The following SEMA4B variants were observed in gnomAD, a reference collection of about 807,000 sequenced individuals.
SEMA4B encodes semaphorin-4B.
In SEMA4B, 55 loss-of-function variants were observed where a neutral mutation model predicts 88.1. That is an observed-to-expected ratio of 0.62 (90% CI 0.50 to 0.78). SEMA4B has a LOEUF of 0.78. Among genes scored for constraint, SEMA4B ranks in the 30% least tolerant of loss-of-function variants. The probability of loss-of-function intolerance (pLI) is 0.00; values close to 1 mark genes in which losing one functional copy is unlikely to be tolerated. For synonymous variants in SEMA4B, 525 were observed against 473.6 expected (o/e 1.11, Z -1.41); for missense variants, 1,062 against 1,111.9 (o/e 0.96, Z 0.64).
Position 90,228,199 on chromosome 15 carries a change from C to T in SEMA4B, c.2070C>T (p.Pro690=), listed in dbSNP as rs373633209. ...AAACAGATGAGGGTGGCAGTGTACC[C>T]GTCATTATCAGCACATCGCGTGTGA... is the stretch of plus-strand genomic sequence containing the variant. ...ADQTDEGGSV[P]VIISTSRVSA... Residue 690 remains proline (P), a synonymous_variant, in exon 14 of 14, where the codon CCC becomes CCT. Transcript: ENST00000411539. 35 of 1,610,136 alleles carry T rather than the reference C, an allele frequency of 2.2e-5. No individual in the cohort carries two copies. Among genetic ancestry groups the T allele is most frequent in the Admixed American group, 1.3e-4 (8 of 59,378 alleles).
At chr15:90,221,324 C>A in intron 5 of SEMA4B, 43 bp from the exon 6 acceptor site, 2 of 1,472,258 alleles carry the variant, frequency 1.4e-6, no homozygotes, top group Non-Finnish European at 1.9e-6. Flanking sequence ...GGAGAAGGGG[C>A]CGTGCTGAGG....
chr15:90,225,925 G>C (rs376825518), intron 12 of SEMA4B, 98 bp downstream of exon 12: 2 of 934,882 alleles, frequency 2.1e-6, no homozygotes, highest in East Asian at 6.1e-5. Context: ...ACACAGCCTC[G>C]TTTATGTCCA....
At chr15:90,197,210 A>C (rs1960537432), upstream of SEMA4B, among the ~76,000 whole-genome samples, 1 of 151,770 alleles carries the variant, frequency 6.6e-6, no homozygotes, top group African/African-American at 2.4e-5. Flanking sequence ...AACGTGGTGA[A>C]ACCCCTTTCT....
At chr15:90,204,641 C>A (rs1960904207) in intron 1 of SEMA4B, among the ~76,000 whole-genome samples, 1 of 152,198 alleles carries the variant, frequency 6.6e-6, no homozygotes, top group Admixed American at 6.5e-5. Flanking sequence ...CGGTCAGGAG[C>A]AGGAGTGGTG....
At position 90,215,006 on chromosome 15, in the gene SEMA4B, C is replaced by T. The variant is rs979380409; in HGVS notation, c.158-2433C>T. 6.3e-6 allele frequency: 8 copies of T among 1,260,702 alleles called. No individual in the cohort carries two copies. In the Admixed American group the frequency reaches 1.0e-4, roughly 16 times the overall value. The allele number at this position is 1,260,702 out of a possible 1,614,324, so 78.1% of individuals were successfully genotyped here. On this transcript the variant is annotated intron_variant, in intron 1 of 13. Coordinates refer to ENST00000411539, the MANE Select transcript of SEMA4B (RefSeq NM_198925.4). ...TCATCTTCACAGCTGCTTGATTGGG[C>T]GTGTTGCACTTTTTGCTTCCTCAGC...
At position 90,227,554 on chromosome 15, in the gene SEMA4B, C is replaced by T. The variant is rs1276143290; in HGVS notation, c.1689-3C>T. On this transcript the variant is annotated splice_polypyrimidine_tract_variant and splice_region_variant and intron_variant, in intron 12 of 13. Coordinates refer to ENST00000411539, the MANE Select transcript of SEMA4B (RefSeq NM_198925.4). ...CAATCCCAGAATTCTCTCTGGCCCT[C>T]AGGCCGTGGATCCAGGACATCGAGG... The T allele has an allele frequency of 2.5e-6, 4 of 1,613,850 alleles. No homozygotes were observed. The highest frequency in any genetic ancestry group is 3.4e-6 in the Non-Finnish European group (4 of 1,179,788).
intron 1 of SEMA4B, among the ~76,000 whole-genome samples, chr15:90,189,690 G>C (rs1960288114): frequency 6.6e-6 from 1 of 152,180 alleles, no homozygotes; most frequent in South Asian, 2.1e-4. Context: ...CCTTGTGTCT[G>C]CAGACTAACG....
At chr15:90,203,055 T>C (rs536388620) in intron 1 of SEMA4B, among the ~76,000 whole-genome samples, 1 of 152,316 alleles carries the variant, frequency 6.6e-6, no homozygotes, top group African/African-American at 2.4e-5. Flanking sequence ...AAAACAGGTA[T>C]AATAACAGAA....
intron 1 of SEMA4B, among the ~76,000 whole-genome samples, chr15:90,189,094 A>G (rs1015678444): frequency 6.6e-6 from 1 of 151,998 alleles, no homozygotes; most frequent in Non-Finnish European, 1.5e-5. Flanking sequence ...CACAAGAAAT[A>G]TGTGTTGCAT....
chr15:90,207,537 A>C (rs1480889712), intron 1 of SEMA4B, among the ~76,000 whole-genome samples: 1 of 152,152 alleles, frequency 6.6e-6, no homozygotes, highest in Non-Finnish European at 1.5e-5. Flanking sequence ...AGATGAGGAA[A>C]CCAAAGCTCA....
chr15:90,207,608 GCC>G (rs1961057684), intron 1 of SEMA4B, among the ~76,000 whole-genome samples: 1 of 152,214 alleles, frequency 6.6e-6, no homozygotes, highest in Non-Finnish European at 1.5e-5. Flanking sequence ...CAAGCCTTGG[GCC>G]ACAGTTCTCG....
upstream of SEMA4B, among the ~76,000 whole-genome samples, chr15:90,197,814 C>T (rs1044904597): frequency 6.6e-6 from 1 of 151,988 alleles, no homozygotes. Context: ...TGACCCCATA[C>T]TGGAAGGGGA....
At position 90,201,472 on chromosome 15, in the gene SEMA4B, G is replaced by GC; in HGVS notation, c.-102dup. On this transcript the variant is annotated 5_prime_UTR_variant, in exon 1 of 14. Transcript: ENST00000411539. ...CCGCCCCCCAGGTCCGGAGGCGGGGGCCCCCGGGGCGACTCGGGGGCGGAC... is the reference window on the plus strand; with the variant it reads ...CCGCCCCCCAGGTCCGGAGGCGGGGGCCCCCCGGGGCGACTCGGGGGCGGAC... 7.7e-7 allele frequency: 1 copy of GC among 1,306,460 alleles called. No individual in the cohort carries two copies. Among genetic ancestry groups the GC allele is most frequent in the Non-Finnish European group, 9.7e-7 (1 of 1,030,732 alleles). 80.9% of individuals were successfully genotyped at this position (1,306,460 alleles called of 1,614,324 possible).
Position 90,191,818 on chromosome 15 carries a change from C to G in SEMA4B, c.-122+6737C>G, listed in dbSNP as rs993650252. On this transcript the variant is annotated intron_variant, in intron 1 of 14. Coordinates refer to the SEMA4B transcript ENST00000332496. ...AGTGCTGACCCGGGGTGGATGCCCT[C>G]TGCTGCAGAAGGCGCTGCCCCAAGG... 3 of 152,322 alleles carry G rather than the reference C, an allele frequency of 2.0e-5. No homozygotes were observed. In the East Asian group the frequency reaches 5.8e-4, roughly 29 times the overall value. 9.4% of individuals were successfully genotyped at this position (152,322 alleles called of 1,614,324 possible).
Position 90,228,058 on chromosome 15 carries a change from G to A in SEMA4B, c.1929G>A (p.Leu643=). 1.9e-6 allele frequency: 3 copies of A among 1,613,750 alleles called. No individual in the cohort carries two copies. The highest frequency in any genetic ancestry group is 2.5e-6 in the Non-Finnish European group (3 of 1,179,782). The change falls in exon 14 of 14, where the codon CTG becomes CTA. Residue 643 remains leucine (L), a synonymous_variant. Transcript: ENST00000411539. The part of the protein sequence containing the change: ...ASCHVLPTGD[L]LLVGTQQLGE... ...GCCACGTGCTACCCACTGGGGACCT[G>A]CTGCTGGTGGGCACCCAACAGCTGG...
chr15:90,227,236 T>TG (rs1279212179), intron 12 of SEMA4B: 1 of 287,532 alleles, frequency 3.5e-6, no homozygotes, highest in African/African-American at 2.2e-5. Flanking sequence ...TTTGTAGAGA[T>TG]GGGGTCTCGC....
At chr15:90,196,413 A>C (rs1302683104), upstream of SEMA4B, among the ~76,000 whole-genome samples, 1 of 152,118 alleles carries the variant, frequency 6.6e-6, no homozygotes, top group Non-Finnish European at 1.5e-5. Flanking sequence ...ATAGTTTCGT[A>C]ACAATCTTCC....
chr15:90,223,223 G>C (rs1961955451), intron 7 of SEMA4B, among the ~76,000 whole-genome samples: 1 of 151,980 alleles, frequency 6.6e-6, no homozygotes, highest in Non-Finnish European at 1.5e-5. Flanking sequence ...GGAATTATAG[G>C]CATTAATAAT....
At chr15:90,193,237 TC>T (rs1208344402) in intron 1 of SEMA4B, 1 of 152,194 alleles carries the variant, frequency 6.6e-6, no homozygotes, top group Admixed American at 6.5e-5. Context: ...TGGGAACCGC[TC>T]CCGCTCGCAG....
Sources: gnomAD v4.1 joint callset for allele counts (sites outside exome capture counted in the v4.1 genomes callset) on GRCh38, gnomAD v4.1.1 for gene constraint, MANE v1.5 for transcripts, NCBI Gene and HGNC (gene_info 2026-07-23, HGNC 2026-07-21) for gene names.